Variants in MRPL1 observed in about 807,000 individuals in gnomAD.
The protein encoded by MRPL1 is large ribosomal subunit protein uL1m.
A neutral mutation model predicts 38.0 loss-of-function variants in MRPL1; 28 were observed. The observed-to-expected ratio is 0.74, with a 90% CI of 0.55 to 1.01. The LOEUF is 1.01. MRPL1 is among the 50% of genes least tolerant of loss of function. MRPL1 has a pLI of 0.00. For synonymous variants in MRPL1, 123 were observed against 126.7 expected (o/e 0.97, Z 0.20); for missense variants, 358 against 389.8 (o/e 0.92, Z 0.69).
chr4:77,879,553 A>G (rs1038004686), intron 2 of MRPL1, among the ~76,000 whole-genome samples: 1 of 152,212 alleles, frequency 6.6e-6, no homozygotes, highest in African/African-American at 2.4e-5. Flanking sequence ...AATTAATTGC[A>G]TAGGTTCCAC....
intron 7 of MRPL1, among the ~76,000 whole-genome samples, chr4:77,939,510 G>A (rs1737068468): frequency 1.3e-5 from 2 of 152,110 alleles, no homozygotes; most frequent in Admixed American, 1.3e-4. Flanking sequence ...TCTGCTGATT[G>A]TTTCTTTTGC....
At chr4:77,905,260 G>A (rs554502043) in intron 6 of MRPL1, among the ~76,000 whole-genome samples, 1 of 152,174 alleles carries the variant, frequency 6.6e-6, no homozygotes, top group Non-Finnish European at 1.5e-5. Flanking sequence ...ACTTTGGGAG[G>A]CCGAGGCAGG....
chr4:77,944,391 T>C (rs767060289), intron 7 of MRPL1, among the ~76,000 whole-genome samples: 1 of 152,230 alleles, frequency 6.6e-6, no homozygotes, highest in Non-Finnish European at 1.5e-5. Context: ...TAGAAGATCC[T>C]CTTTGTCCTT....
intron 7 of MRPL1, among the ~76,000 whole-genome samples, chr4:77,926,889 G>C (rs542266453): frequency 6.6e-6 from 1 of 152,242 alleles, no homozygotes; most frequent in East Asian, 1.9e-4. Context: ...GATTTCGGGC[G>C]TGAGCTGCCT....
chr4:77,935,308 A>G (rs1193088676), intron 7 of MRPL1, among the ~76,000 whole-genome samples: 3 of 152,240 alleles, frequency 2.0e-5, no homozygotes, highest in African/African-American at 7.2e-5. Flanking sequence ...ATATAAACAT[A>G]TAACAACATA....
At chr4:77,897,930 T>TA (rs1471479629) in intron 6 of MRPL1, among the ~76,000 whole-genome samples, 3 of 152,240 alleles carry the variant, frequency 2.0e-5, no homozygotes, top group Non-Finnish European at 4.4e-5. Flanking sequence ...TAGGTACTGT[T>TA]ACAATTGTTG....
intron 6 of MRPL1, among the ~76,000 whole-genome samples, chr4:77,907,924 C>T (rs1310411002): frequency 6.9e-6 from 1 of 145,548 alleles, no homozygotes; most frequent in Non-Finnish European, 1.5e-5. Context: ...GAGTCTTGCT[C>T]TGTTGCCCAG....
intron 7 of MRPL1, among the ~76,000 whole-genome samples, chr4:77,918,079 T>TTA (rs957538697): frequency 8.6e-5 from 13 of 151,606 alleles, no homozygotes; most frequent in African/African-American, 2.9e-4. Flanking sequence ...AGGTATGTGT[T>TTA]TATATATATA....
intron 1 of MRPL1, among the ~76,000 whole-genome samples, chr4:77,863,680 T>C (rs1208934671): frequency 6.6e-6 from 1 of 152,142 alleles, no homozygotes. Context: ...TTGACCAGGC[T>C]AGTCTTGCAC....
chr4:77,873,009 G>A (rs1282593940), intron 2 of MRPL1, among the ~76,000 whole-genome samples: 1 of 152,142 alleles, frequency 6.6e-6, no homozygotes, highest in Non-Finnish European at 1.5e-5. Context: ...CTCTAGCCTG[G>A]GCAACAGAGG....
intron 7 of MRPL1, among the ~76,000 whole-genome samples, chr4:77,920,096 T>G (rs1277619388): frequency 6.6e-6 from 1 of 152,150 alleles, no homozygotes; most frequent in African/African-American, 2.4e-5. Flanking sequence ...TGAAAGTGAC[T>G]TAGTTTTTTA....
intron 7 of MRPL1, among the ~76,000 whole-genome samples, chr4:77,947,712 T>C (rs1437807575): frequency 1.3e-5 from 2 of 152,230 alleles, no homozygotes; most frequent in Non-Finnish European, 2.9e-5. Context: ...CATGCACATA[T>C]ACATTTTGTT....
intron 7 of MRPL1, among the ~76,000 whole-genome samples, chr4:77,926,966 G>A (rs150559825): frequency 1.3e-4 from 20 of 151,724 alleles, no homozygotes; most frequent in African/African-American, 4.6e-4. Context: ...TCTCTCCCAT[G>A]TTCTCTTTAC....
chr4:77,904,011 C>T (rs1162781967), intron 6 of MRPL1, among the ~76,000 whole-genome samples: 5 of 151,682 alleles, frequency 3.3e-5, no homozygotes, highest in Non-Finnish European at 7.4e-5. Context: ...TTTGGGAGGC[C>T]GAGGCAGGAC....
chr4:77,938,602 C>G (rs1449390023), intron 7 of MRPL1, among the ~76,000 whole-genome samples: 1 of 152,100 alleles, frequency 6.6e-6, no homozygotes, highest in Non-Finnish European at 1.5e-5. Context: ...CTTATTGAAT[C>G]AGGATTTAAA....
chr4:77,923,482 T>C (rs1271071537), intron 7 of MRPL1, among the ~76,000 whole-genome samples: 1 of 152,218 alleles, frequency 6.6e-6, no homozygotes, highest in Non-Finnish European at 1.5e-5. Context: ...TTTTCTATAA[T>C]CTATTGACAT....
At chr4:77,881,054 CAT>C (rs948729512) in intron 2 of MRPL1, among the ~76,000 whole-genome samples, 3 of 152,216 alleles carry the variant, frequency 2.0e-5, no homozygotes, top group African/African-American at 7.2e-5. Flanking sequence ...AAAGTAGAAA[CAT>C]GTGAAACTTC....
Position 77,885,270 on chromosome 4 carries a change from A to G in MRPL1, c.417A>G (p.Pro139=), listed in dbSNP as rs1216935500. Residue 139 remains proline (P), a synonymous_variant, in exon 4 of 9, where the codon CCA becomes CCG. Transcript: ENST00000315567. ...CATGTGTTTAGAAAAACGTGGAGCC[A>G]TTTACCAGTGTTCTTAGTTTGCCAT... The part of the protein sequence containing the change: ...MALGKKKNVE[P]FTSVLSLPYP... 5 of 1,613,592 alleles carry G rather than the reference A, an allele frequency of 3.1e-6. No individual in the cohort carries two copies. Among genetic ancestry groups the G allele is most frequent in the African/African-American group, 2.7e-5 (2 of 75,038 alleles).
In MRPL1 at chr4:77,875,646, T is replaced by C. The variant is rs570936498; in HGVS notation, c.143+3791T>C. ...CAGCCTGGGCAACAGATTGAGACTC[T>C]GCCAAAAACAAAAAAAAAAAGAATT... On this transcript the variant is annotated intron_variant, in intron 2 of 8. Coordinates refer to ENST00000315567, the MANE Select transcript of MRPL1 (RefSeq NM_020236.4). Among the ~76,000 whole-genome samples, 178 of 151,264 alleles carry C rather than the reference T, an allele frequency of 1.2e-3. 1 individual carries two copies. The highest frequency in any genetic ancestry group is 4.3e-3 in the African/African-American group (177 of 41,162).
Sources: gnomAD v4.1 joint callset for allele counts (sites outside exome capture counted in the v4.1 genomes callset) on GRCh38, gnomAD v4.1.1 for gene constraint, MANE v1.5 for transcripts, NCBI Gene and HGNC (gene_info 2026-07-23, HGNC 2026-07-21) for gene names.